Variants in SMYD1 observed in about 807,000 individuals in gnomAD.
SMYD1 encodes the protein SET and MYND domain containing 1, also known as histone-lysine N-methyltransferase SMYD1.
In SMYD1, 49 loss-of-function variants were observed where a neutral mutation model predicts 54.0. The ratio of observed to expected loss-of-function variants is 0.91; its 90% CI spans 0.72 to 1.15. The LOEUF (loss-of-function observed/expected upper bound fraction) is 1.15, where lower values mean the gene tolerates loss of function less well. Among genes scored for constraint, SMYD1 ranks in the 50% most tolerant of loss-of-function variants. The pLI is 0.00. For missense variants in SMYD1, 653 were observed against 639.6 expected, an observed-to-expected ratio of 1.02 and a Z score of -0.23; for synonymous variants, 269 against 234.2, an observed-to-expected ratio of 1.15 and a Z score of -1.36.
At chr2:88,105,624 A>G (rs1054228303) in intron 7 of SMYD1, among the ~76,000 whole-genome samples, 1 of 152,100 alleles carries the variant, frequency 6.6e-6, no homozygotes, top group African/African-American at 2.4e-5. Context: ...TTGCTGTTGT[A>G]TGATTCTTTC....
At chr2:88,078,804 G>C (rs966176182) in intron 1 of SMYD1, among the ~76,000 whole-genome samples, 5 of 152,228 alleles carry the variant, frequency 3.3e-5, no homozygotes, top group Non-Finnish European at 5.9e-5. Context: ...CTTCTCCCCA[G>C]CTCCAGCCTT....
In SMYD1 at chr2:88,087,862, G is replaced by GTGTAGAT; in HGVS notation, c.315_316insTGTAGAT (p.Leu106CysfsTer75). ...CCTCCTGACGCTGCCCTTCCCACAG[G>GTGTAGAT]CTGGCGGCGCGCATCATGTGGCGGG... On this transcript the variant is annotated frameshift_variant and splice_region_variant, in exon 3 of 10. Coordinates refer to ENST00000419482, the MANE Select transcript of SMYD1 (RefSeq NM_198274.4). LOFTEE classifies it high-confidence loss of function. 6.4e-7 allele frequency: 1 copy of GTGTAGAT among 1,573,088 alleles called. No individual in the cohort carries two copies. The highest frequency in any genetic ancestry group is 8.6e-7 in the Non-Finnish European group (1 of 1,158,800).
chr2:88,087,035 T>C, intron 2 of SMYD1, among the ~76,000 whole-genome samples: 1 of 116,574 alleles, frequency 8.6e-6, no homozygotes, highest in East Asian at 2.4e-4. Flanking sequence ...GAGTTTTACT[T>C]TGCAAAAAAA....
intron 1 of SMYD1, among the ~76,000 whole-genome samples, chr2:88,068,376 A>G (rs745457258): frequency 4.6e-5 from 7 of 152,188 alleles, no homozygotes; most frequent in Non-Finnish European, 8.8e-5. Flanking sequence ...ACATTACCAG[A>G]TAAAGTAATT....
chr2:88,093,659 C>A, intron 5 of SMYD1, 104 bp downstream of exon 5: 1 of 1,244,892 alleles, frequency 8.0e-7, no homozygotes, highest in Non-Finnish European at 1.2e-6. Context: ...TGCCATCTGT[C>A]CATAACGTCC....
intron 2 of SMYD1, 64 bp downstream of exon 2, chr2:88,084,556 A>G: frequency 6.8e-7 from 1 of 1,465,470 alleles, no homozygotes; most frequent in Non-Finnish European, 9.3e-7. Flanking sequence ...TGGTGGCAGT[A>G]ACAACATTCC....
At position 88,087,240 on chromosome 2, in the gene SMYD1, C is replaced by T. The variant is rs532402141; in HGVS notation, c.315-622C>T. ...GATTCAGAGAGGTCAAGTGACTTGC[C>T]CAGGCTCACACAGTAAGAAGTGGAA... On this transcript the variant is annotated intron_variant, in intron 2 of 9. Transcript: ENST00000419482. 3.3e-5 allele frequency among the ~76,000 whole-genome samples: 5 copies of T among 152,080 alleles called. No homozygotes were observed. The South Asian group carries it at 1.0e-3, about 32-fold the overall frequency.
At chr2:88,110,194 T>A (rs886219188) in intron 9 of SMYD1, among the ~76,000 whole-genome samples, 160 bp from the exon 10 acceptor site, 1 of 122,956 alleles carries the variant, frequency 8.1e-6, no homozygotes, top group African/African-American at 3.2e-5. Flanking sequence ...AGGCCCTTGA[T>A]GAATGAGTGT....
intron 2 of SMYD1, among the ~76,000 whole-genome samples, chr2:88,087,528 C>A (rs184864654): frequency 3.9e-5 from 6 of 152,306 alleles, no homozygotes; most frequent in Admixed American, 2.0e-4. Context: ...TCTCCAGTAT[C>A]ACAGAGCCAG....
chr2:88,108,346 A>G, intron 8 of SMYD1, 25 bp from the exon 9 acceptor site: 2 of 1,543,262 alleles, frequency 1.3e-6, no homozygotes, highest in East Asian at 2.3e-5. Context: ...GGTATGATGT[A>G]TAATTATCTG....
chr2:88,093,947 C>T (rs982669707), intron 5 of SMYD1, among the ~76,000 whole-genome samples: 10 of 152,266 alleles, frequency 6.6e-5, no homozygotes, highest in Admixed American at 6.5e-4. Flanking sequence ...AACTTCTCAC[C>T]CAGACTGGGC....
chr2:88,077,719 TTTC>T (rs1218202322), intron 1 of SMYD1, among the ~76,000 whole-genome samples: 32 of 149,808 alleles, frequency 2.1e-4, no homozygotes, highest in African/African-American at 6.9e-4. Context: ...GGGGTGGGCA[TTTC>T]TTTTTTTTTT....
intron 6 of SMYD1, 75 bp downstream of exon 6, chr2:88,096,859 A>C: frequency 6.8e-7 from 1 of 1,461,666 alleles, no homozygotes; most frequent in Non-Finnish European, 9.3e-7. Flanking sequence ...TTCACAGCTA[A>C]TCCGTGTGCC....
chr2:88,084,521 C>T, intron 2 of SMYD1, 29 bp downstream of exon 2: 1 of 1,541,228 alleles, frequency 6.5e-7, no homozygotes, highest in Non-Finnish European at 8.9e-7. Context: ...GGTGGTGCTT[C>T]AGATTTCCAA....
intron 7 of SMYD1, among the ~76,000 whole-genome samples, chr2:88,105,378 T>TATAC (rs543232748): frequency 2.5e-3 from 378 of 150,874 alleles, no homozygotes; most frequent in Middle Eastern, 0.01. Context: ...CATGCATATA[T>TATAC]ACACACACAC....
intron 7 of SMYD1, 134 bp downstream of exon 7, chr2:88,103,284 T>C (rs1015781464): frequency 3.0e-6 from 2 of 670,764 alleles, no homozygotes; most frequent in African/African-American, 3.6e-5. Context: ...CTAGAAGATG[T>C]CCCTTGGTTG....
chr2:88,068,057 T>G, intron 1 of SMYD1, 56 bp downstream of exon 1: 4 of 1,544,644 alleles, frequency 2.6e-6, no homozygotes, highest in Non-Finnish European at 3.5e-6. Flanking sequence ...GGCCAAACTC[T>G]AAAATACTTT....
chr2:88,088,378 C>T (rs1423955033), intron 3 of SMYD1, among the ~76,000 whole-genome samples: 1 of 152,144 alleles, frequency 6.6e-6, no homozygotes, highest in Non-Finnish European at 1.5e-5. Context: ...AGTATGATTC[C>T]TTATCAAGGA....
chr2:88,110,275 A>G, intron 9 of SMYD1, 79 bp from the exon 10 acceptor site: 2 of 1,467,162 alleles, frequency 1.4e-6, no homozygotes, highest in Non-Finnish European at 1.8e-6. Context: ...GCTGGAAATA[A>G]TTTACCCCAA....
Sources: allele counts gnomAD v4.1 joint callset (sites outside exome capture counted in the v4.1 genomes callset), GRCh38; gene constraint gnomAD v4.1.1; transcripts MANE v1.5; gene names NCBI Gene and HGNC (gene_info 2026-07-23, HGNC 2026-07-21).